Variants in HMCN2 observed in about 807,000 individuals in gnomAD.
The protein encoded by HMCN2 is hemicentin 2.
Under a neutral mutation model 377.5 loss-of-function variants are expected in HMCN2, and 325 were observed. The observed-to-expected ratio is 0.86, with a 90% CI of 0.79 to 0.94. The LOEUF is 0.94. Ranked by LOEUF, HMCN2 falls within the 40% of genes least tolerant of loss-of-function variation. The pLI is 0.00. For synonymous variants in HMCN2, 2,007 were observed against 2,046.8 expected, an observed-to-expected ratio of 0.98 and a Z score of 0.53; for missense variants, 4,543 against 4,725.3, an observed-to-expected ratio of 0.96 and a Z score of 1.13.
chr9:130,293,303 G>GTTTTTTTTTTTTTTT (rs1588186458), intron 4 of HMCN2, among the ~76,000 whole-genome samples: 1 of 77,270 alleles, frequency 1.3e-5, no homozygotes, highest in Non-Finnish European at 2.1e-5. Flanking sequence ...TTTTTTTTGC[G>GTTTTTTTTTTTTTTT]GTTCTTGTTG....
rs1364625707 is a variant in HMCN2, at chr9:130,412,722, A to G, written c.12961+2070A>G. Among the ~76,000 whole-genome samples, 11 of 151,924 alleles carry G rather than the reference A, an allele frequency of 7.2e-5. 1 individual carries two copies. In the South Asian group the frequency reaches 2.3e-3, roughly 32 times the overall value. On this transcript the variant is annotated intron_variant, in intron 85 of 97. Transcript: ENST00000683500. ...CTCCCAAGTAGCTGGGATTACAGGC[A>G]CGCACCACCACACCCGACTAATTTT...
chr9:130,326,446 G>T (rs960864074), intron 21 of HMCN2, among the ~76,000 whole-genome samples: 9 of 152,108 alleles, frequency 5.9e-5, no homozygotes, highest in Non-Finnish European at 1.3e-4. Flanking sequence ...AAGATGGGGC[G>T]GGACCTGTCT....
rs2131827101 is a variant in HMCN2 at position 130,428,309 on chromosome 9, A to T, written c.14066-49A>T. 6.8e-7 allele frequency: 1 copy of T among 1,480,732 alleles called. No individual in the cohort carries two copies. The highest frequency in any genetic ancestry group is 1.4e-5 in the South Asian group (1 of 73,858). The allele number at this position is 1,480,732 out of a possible 1,614,324, so 91.7% of individuals were successfully genotyped here. ...CCGGGCCAGGGTCAGGTGGCGAGGCACGCCTGGGGATCATGTTCACACAGC... is the reference window on the plus strand; with the variant it reads ...CCGGGCCAGGGTCAGGTGGCGAGGCTCGCCTGGGGATCATGTTCACACAGC... On this transcript the variant is annotated intron_variant, in intron 92 of 97. Coordinates refer to ENST00000683500, the MANE Select transcript of HMCN2 (RefSeq NM_001291815.2). This position sits in a 1 kb window ranked among gnomAD's most constrained non-coding sequence, Gnocchi z 5.0.
intron 1 of HMCN2, among the ~76,000 whole-genome samples, chr9:130,278,028 GA>G (rs1834877861): frequency 2.0e-4 from 1 of 4,882 alleles, no homozygotes; most frequent in Non-Finnish European, 3.2e-4. Flanking sequence ...CCACCACCAC[GA>G]TCATCACCAC....
chr9:130,425,189 G>T, intron 89 of HMCN2, 59 bp downstream of exon 89: 6 of 1,475,718 alleles, frequency 4.1e-6, no homozygotes, highest in Non-Finnish European at 4.5e-6. Flanking sequence ...GAAGGTGCCC[G>T]GCTCTCAACC....
chr9:130,271,420 A>G (rs1457888848), intron 1 of HMCN2, among the ~76,000 whole-genome samples: 2 of 148,844 alleles, frequency 1.3e-5, no homozygotes, highest in African/African-American at 4.9e-5. Context: ...TAATTCAATC[A>G]CTTGTCTACA....
Position 130,302,948 on chromosome 9 carries a change from C to T in HMCN2, c.1368C>T (p.Phe456=), listed in dbSNP as rs781949389. ...GCTCGGTGCACAGTGCCCTTCCCTT[C>T]CGGCTGCAGCTGCGGCGAGGTGAAG... ...VSCSVHSALP[F]RLQLRRGEAR... The change falls in exon 9 of 98, where the codon TTC becomes TTT. Residue 456 remains phenylalanine, a synonymous_variant. Coordinates refer to ENST00000683500, the MANE Select transcript of HMCN2 (RefSeq NM_001291815.2). 2 of 470,770 alleles carry T rather than the reference C, an allele frequency of 4.2e-6. No individual in the cohort carries two copies. The highest frequency in any genetic ancestry group is 8.8e-6 in the Non-Finnish European group (2 of 226,882). The allele number at this position is 470,770 out of a possible 1,614,324, so 29.2% of individuals were successfully genotyped here.
intron 66 of HMCN2, among the ~76,000 whole-genome samples, 169 bp downstream of exon 66, chr9:130,392,287 A>G (rs1208654112): frequency 6.6e-6 from 1 of 152,192 alleles, no homozygotes; most frequent in African/African-American, 2.4e-5. Flanking sequence ...GGTCTCAGGG[A>G]CCCAGGGAAG....
intron 15 of HMCN2, among the ~76,000 whole-genome samples, chr9:130,316,988 G>T (rs1464914021): frequency 6.6e-6 from 1 of 152,168 alleles, no homozygotes; most frequent in Non-Finnish European, 1.5e-5. Context: ...AGGTTAGCAG[G>T]GGGAGGGATG....
At position 130,389,865 on chromosome 9, in the gene HMCN2, G is replaced by A. The variant is rs1039523151; in HGVS notation, c.9524-1112G>A. 5.3e-5 allele frequency among the ~76,000 whole-genome samples: 8 copies of A among 152,194 alleles called. No individual in the cohort carries two copies. The East Asian group carries it at 1.2e-3, about 22-fold the overall frequency. The stretch of plus-strand genomic sequence containing the variant: ...GCTGGGATTATAGGCATGAGCCACC[G>A]TGCCCAGCCAGTGCTTCCTTATTTT... On this transcript the variant is annotated intron_variant, in intron 62 of 97. Transcript: ENST00000683500.
In HMCN2 at chr9:130,308,321, G is replaced by A. The variant is rs547143112; in HGVS notation, c.2200+755G>A. Reference sequence around the variant, plus strand: ...TGTGCTTGGCATTCTTAGTGATAGTGCCGACGATAATGTGATTATCTGAAA... The same window carrying A: ...TGTGCTTGGCATTCTTAGTGATAGTACCGACGATAATGTGATTATCTGAAA... On this transcript the variant is annotated intron_variant, in intron 14 of 97. Transcript: ENST00000683500. The surrounding 1 kb of genome is among the most constrained non-coding windows in gnomAD (Gnocchi z 4.1). 2.0e-5 allele frequency among the ~76,000 whole-genome samples: 3 copies of A among 152,292 alleles called. No homozygotes were observed. Among genetic ancestry groups the A allele is most frequent in the African/African-American group, 7.2e-5 (3 of 41,572 alleles).
chr9:130,332,592 C>G (rs978315939), intron 22 of HMCN2, among the ~76,000 whole-genome samples: 4 of 152,230 alleles, frequency 2.6e-5, no homozygotes, highest in Non-Finnish European at 5.9e-5. Context: ...CGGGCTCGTG[C>G]GATGGCGCTG....
In HMCN2 at chr9:130,348,936, G is replaced by T. The variant is rs1477635590; in HGVS notation, c.4156-48G>T. On this transcript the variant is annotated intron_variant, in intron 27 of 97. Coordinates refer to ENST00000683500, the MANE Select transcript of HMCN2 (RefSeq NM_001291815.2). ...TTTCCTCATTACTGATGCTGGGGGT[G>T]GTGGCTGGATCCCCTCTTACTGGCT... 2.3e-6 allele frequency: 3 copies of T among 1,286,018 alleles called. No homozygotes were observed. The Admixed American group carries it at 7.0e-5, about 30-fold the overall frequency. The allele number at this position is 1,286,018 out of a possible 1,614,324, so 79.7% of individuals were successfully genotyped here. A position where few individuals can be genotyped will look rare whatever the true frequency, so the allele number is the denominator to read the frequency against.
chr9:130,426,023 C>G (rs1844338533), intron 90 of HMCN2, 99 bp downstream of exon 90: 4 of 894,818 alleles, frequency 4.5e-6, no homozygotes, highest in Non-Finnish European at 6.8e-6. Flanking sequence ...CCCCTAACAT[C>G]CACTGACCAT....
intron 25 of HMCN2, among the ~76,000 whole-genome samples, 169 bp downstream of exon 25, chr9:130,342,605 G>A (rs1285216501): frequency 6.6e-6 from 1 of 152,188 alleles, no homozygotes; most frequent in Non-Finnish European, 1.5e-5. Context: ...GCAGGATGGT[G>A]TTATTGCCCC....
At chr9:130,384,935 C>A in intron 59 of HMCN2, 137 bp downstream of exon 59, 1 of 451,118 alleles carries the variant, frequency 2.2e-6, no homozygotes, top group Non-Finnish European at 3.9e-6. Flanking sequence ...CAGATCAGCT[C>A]TGAGGAGGGG....
rs1230150295 is a variant in HMCN2 at position 130,357,833 on chromosome 9, G to A, written c.5426-1G>A. The A allele has an allele frequency of 4.6e-6, 6 of 1,302,018 alleles. No homozygotes were observed. In the Admixed American group the frequency reaches 1.4e-4, roughly 30 times the overall value. The allele number at this position is 1,302,018 out of a possible 1,614,324, so 80.7% of individuals were successfully genotyped here. A position where few individuals can be genotyped will look rare whatever the true frequency, so the allele number is the denominator to read the frequency against. ...CTCTTCCTGACTCTTTCCCTTCCCAGAGTTCCCATCGGTCAGTATCATTGG... is the reference window on the plus strand; with the variant it reads ...CTCTTCCTGACTCTTTCCCTTCCCAAAGTTCCCATCGGTCAGTATCATTGG... On this transcript the variant is annotated splice_acceptor_variant, in intron 34 of 97. Coordinates refer to ENST00000683500, the MANE Select transcript of HMCN2 (RefSeq NM_001291815.2). LOFTEE classifies it high-confidence loss of function.
At chr9:130,345,726 C>T (rs1356020218) in intron 25 of HMCN2, among the ~76,000 whole-genome samples, 2 of 151,790 alleles carry the variant, frequency 1.3e-5, no homozygotes, top group Non-Finnish European at 2.9e-5. Flanking sequence ...CAGAGGATTC[C>T]AGAGGAAAAC....
At chr9:130,425,650 C>A (rs1326562744) in intron 89 of HMCN2, 37 bp from the exon 90 acceptor site, 2 of 1,286,110 alleles carry the variant, frequency 1.6e-6, no homozygotes, top group Admixed American at 2.0e-5. Context: ...CCCTCTCCCC[C>A]ACCCCTCCTC....
Sources: allele counts gnomAD v4.1 joint callset (sites outside exome capture counted in the v4.1 genomes callset), GRCh38; gene constraint gnomAD v4.1.1; non-coding constraint Gnocchi (gnomAD v3.1); transcripts MANE v1.5; gene names NCBI Gene and HGNC (gene_info 2026-07-23, HGNC 2026-07-21).